Variants in RIT2 observed in about 807,000 individuals in gnomAD.
RIT2 encodes the protein Ras like without CAAX 2.
RIT2 carries 24 observed loss-of-function variants against 23.7 expected under a neutral mutation model. The observed-to-expected ratio is 1.01, with a 90% CI of 0.73 to 1.43. The LOEUF is 1.43. Ranked by LOEUF, RIT2 falls within the 40% of genes most tolerant of loss-of-function variation. The pLI is 0.00. For synonymous variants in RIT2, 107 were observed against 91.1 expected, an observed-to-expected ratio of 1.17 and a Z score of -0.99; for missense variants, 236 against 266.9, an observed-to-expected ratio of 0.88 and a Z score of 0.81.
chr18:42,796,369 G>C (rs1049422274), intron 4 of RIT2, among the ~76,000 whole-genome samples: 1 of 151,984 alleles, frequency 6.6e-6, no homozygotes, highest in Non-Finnish European at 1.5e-5. Context: ...ACATCAGAAG[G>C]AACAAACTCC....
intron 4 of RIT2, among the ~76,000 whole-genome samples, chr18:42,867,339 T>G (rs1446452640): frequency 2.0e-5 from 3 of 152,236 alleles, no homozygotes; most frequent in Non-Finnish European, 4.4e-5. Context: ...GGATTTGCTC[T>G]AAAAAGCTAT....
intron 4 of RIT2, among the ~76,000 whole-genome samples, chr18:42,752,476 G>T (rs1913068626): frequency 6.6e-6 from 1 of 152,026 alleles, no homozygotes; most frequent in Admixed American, 6.6e-5. Flanking sequence ...GTTAAGCAGT[G>T]GTTAAGAAAT....
intron 4 of RIT2, among the ~76,000 whole-genome samples, chr18:42,805,399 A>G (rs1199703218): frequency 6.6e-6 from 1 of 152,222 alleles, no homozygotes; most frequent in African/African-American, 2.4e-5. Context: ...TGAGCTCACA[A>G]AGTTGAAAAA....
chr18:42,903,960 A>G (rs1439207006), intron 4 of RIT2, among the ~76,000 whole-genome samples: 2 of 152,146 alleles, frequency 1.3e-5, no homozygotes, highest in Non-Finnish European at 2.9e-5. Flanking sequence ...AAAGTCCAAG[A>G]ATTTAAAAGA....
intron 2 of RIT2, among the ~76,000 whole-genome samples, chr18:43,014,718 A>G (rs1165163895): frequency 6.6e-6 from 1 of 151,688 alleles, no homozygotes; most frequent in Non-Finnish European, 1.5e-5. Flanking sequence ...GTAAATAAAA[A>G]ACACAAAATA....
At chr18:42,820,750 C>T (rs932881649) in intron 4 of RIT2, among the ~76,000 whole-genome samples, 5 of 152,168 alleles carry the variant, frequency 3.3e-5, no homozygotes, top group Non-Finnish European at 7.4e-5. Flanking sequence ...ATCCTTTCTA[C>T]ACTCTGCCAC....
intron 4 of RIT2, among the ~76,000 whole-genome samples, chr18:42,832,555 T>C (rs1471433553): frequency 6.6e-6 from 1 of 152,194 alleles, no homozygotes; most frequent in Non-Finnish European, 1.5e-5. Context: ...TGATGTACAA[T>C]TTTTGTACAT....
chr18:43,002,809 A>G (rs905500320), intron 2 of RIT2, among the ~76,000 whole-genome samples: 2 of 151,928 alleles, frequency 1.3e-5, no homozygotes, highest in Admixed American at 1.3e-4. Flanking sequence ...GCAAGGGGAA[A>G]TTGAAGTTTT....
At chr18:43,018,106 A>C (rs1241315112) in intron 2 of RIT2, among the ~76,000 whole-genome samples, 1 of 152,024 alleles carries the variant, frequency 6.6e-6, no homozygotes, top group Non-Finnish European at 1.5e-5. Context: ...ACAGCTTGTA[A>C]AATTTGTAAA....
At chr18:42,979,894 A>G (rs1568045605) in intron 2 of RIT2, among the ~76,000 whole-genome samples, 1 of 152,168 alleles carries the variant, frequency 6.6e-6, no homozygotes, top group Non-Finnish European at 1.5e-5. Flanking sequence ...CTACATTAGA[A>G]GTACTTTGAA....
At chr18:42,855,244 GTTAGA>G (rs1907151960) in intron 4 of RIT2, among the ~76,000 whole-genome samples, 1 of 152,040 alleles carries the variant, frequency 6.6e-6, no homozygotes, top group African/African-American at 2.4e-5. Flanking sequence ...CTTTTTTGAG[GTTAGA>G]TTATTGTATA....
intron 1 of RIT2, among the ~76,000 whole-genome samples, chr18:43,114,335 C>T (rs1297723133): frequency 3.9e-5 from 6 of 152,090 alleles, no homozygotes; most frequent in African/African-American, 1.4e-4. Flanking sequence ...CCACTAAAGT[C>T]ACAATCTCCT....
chr18:43,046,516 T>C (rs1598760408), intron 1 of RIT2, among the ~76,000 whole-genome samples: 1 of 151,912 alleles, frequency 6.6e-6, no homozygotes, highest in South Asian at 2.1e-4. Flanking sequence ...CTGCTTCTAC[T>C]GGCTTCTAGT....
At chr18:42,851,033 G>A (rs1042033320) in intron 4 of RIT2, among the ~76,000 whole-genome samples, 8 of 152,176 alleles carry the variant, frequency 5.3e-5, no homozygotes, top group African/African-American at 1.9e-4. Context: ...AGGTGCTCAT[G>A]AGTGAGAAAA....
At chr18:42,843,531 A>G (rs554252430) in intron 4 of RIT2, among the ~76,000 whole-genome samples, 3 of 152,358 alleles carry the variant, frequency 2.0e-5, no homozygotes, top group South Asian at 2.1e-4. Context: ...ACTCAGACAC[A>G]TAGAGCCACA....
chr18:42,761,409 C>T (rs562450499), intron 4 of RIT2, among the ~76,000 whole-genome samples: 4 of 152,280 alleles, frequency 2.6e-5, no homozygotes, highest in South Asian at 2.1e-4. Flanking sequence ...TTACAAGTAA[C>T]ATTTTTCTTA....
At chr18:42,759,087 G>T (rs1017021916) in intron 4 of RIT2, among the ~76,000 whole-genome samples, 11 of 152,106 alleles carry the variant, frequency 7.2e-5, no homozygotes, top group African/African-American at 2.7e-4. Context: ...CTATATCTCT[G>T]TATATCCTAT....
Position 42,908,908 on chromosome 18 carries a change from C to T in RIT2, c.426+14664G>A, listed in dbSNP as rs538200896. On this transcript the variant is annotated intron_variant, in intron 4 of 4. Transcript: ENST00000326695. ...AAATTAGTACAACCACTACGGAAAACGGTATGGTGATTCCTTAAAGAACAA... is the reference window on the plus strand; with the variant it reads ...AAATTAGTACAACCACTACGGAAAATGGTATGGTGATTCCTTAAAGAACAA... Among the ~76,000 whole-genome samples, 115 of 152,210 alleles carry T rather than the reference C, an allele frequency of 7.6e-4. 2 individuals are homozygous for T. Among genetic ancestry groups the T allele is most frequent in the African/African-American group, 2.6e-3 (109 of 41,550 alleles).
chr18:42,972,303 A>G (rs1910380306), intron 3 of RIT2, among the ~76,000 whole-genome samples: 1 of 151,934 alleles, frequency 6.6e-6, no homozygotes. Context: ...CCATTGTTCA[A>G]ATGTTTCTAG....
Sources: gnomAD v4.1 joint callset for allele counts (sites outside exome capture counted in the v4.1 genomes callset) on GRCh38, gnomAD v4.1.1 for gene constraint, MANE v1.5 for transcripts, NCBI Gene and HGNC (gene_info 2026-07-23, HGNC 2026-07-21) for gene names.